The following PLXND1 variants were observed in gnomAD, a reference collection of about 807,000 sequenced individuals.
PLXND1 encodes the protein plexin-D1.
Under a neutral mutation model 197.7 loss-of-function variants are expected in PLXND1, and 54 were observed. That is an observed-to-expected ratio of 0.27 (90% CI 0.22 to 0.34). The LOEUF is 0.34. Among genes scored for constraint, PLXND1 ranks in the 10% least tolerant of loss-of-function variants. The pLI, the probability that PLXND1 is intolerant of heterozygous loss-of-function variation, is 1.00. For synonymous variants in PLXND1, 1,180 were observed against 1,161.2 expected (o/e 1.02, Z -0.33); for missense variants, 2,127 against 2,699.2 (o/e 0.79, Z 4.70).
intron 1 of PLXND1, among the ~76,000 whole-genome samples, chr3:129,600,314 G>A (rs955742352): frequency 7.2e-5 from 11 of 152,124 alleles, no homozygotes. Context: ...AGTTTTTTCT[G>A]GTGTCTTTTC....
Position 129,586,707 on chromosome 3 carries a change from C to A in PLXND1, c.1501G>T (p.Glu501Ter). 1.3e-6 allele frequency: 2 copies of A among 1,599,550 alleles called. No homozygotes were observed. The highest frequency in any genetic ancestry group is 1.7e-6 in the Non-Finnish European group (2 of 1,172,750). Residue 501 changes from glutamate (E) to a stop codon, truncating the protein, a stop_gained, in exon 3 of 36, where the codon GAG becomes TAG. Coordinates refer to ENST00000324093, the MANE Select transcript of PLXND1 (RefSeq NM_015103.3). LOFTEE classifies it high-confidence loss of function. ...NGRLLKINLN[E>*]SMQVVSRRVV... ...CGCCTGCTCACCACCTGCATGCTCTCGTTCAGGTTGATCTGTGGGGGTAGT... is the reference window on the plus strand; with the variant it reads ...CGCCTGCTCACCACCTGCATGCTCTAGTTCAGGTTGATCTGTGGGGGTAGT...
intron 1 of PLXND1, among the ~76,000 whole-genome samples, chr3:129,593,462 A>G (rs868538542): frequency 3.3e-5 from 5 of 152,184 alleles, no homozygotes; most frequent in Admixed American, 6.5e-5. Context: ...TTCCCTCTCC[A>G]GGCATGCCCA....
intron 1 of PLXND1, among the ~76,000 whole-genome samples, chr3:129,591,828 T>C (rs541473467): frequency 1.3e-5 from 2 of 152,298 alleles, no homozygotes; most frequent in Admixed American, 6.5e-5. Context: ...TGACATTTCC[T>C]ATCTGCTAAC....
At position 129,560,452 on chromosome 3, in the gene PLXND1, G is replaced by A. The variant is rs902056454; in HGVS notation, c.5029-18C>T. 1.9e-6 allele frequency: 3 copies of A among 1,564,018 alleles called. No homozygotes were observed. The highest frequency in any genetic ancestry group is 2.7e-5 in the African/African-American group (2 of 73,976). On this transcript the variant is annotated intron_variant, in intron 30 of 35. Transcript: ENST00000324093. ...GGCAGCACCTGGGAGGCCGGGCAGT[G>A]GTCAGTGTCCGCACCAGGCCCCATC...
chr3:129,562,218 A>G (rs981060227), intron 27 of PLXND1, among the ~76,000 whole-genome samples: 13 of 152,258 alleles, frequency 8.5e-5, no homozygotes, highest in African/African-American at 2.9e-4. Context: ...AGACTCCTAT[A>G]AAACCCACTC....
At chr3:129,593,542 C>T (rs2085576730) in intron 1 of PLXND1, among the ~76,000 whole-genome samples, 1 of 152,256 alleles carries the variant, frequency 6.6e-6, no homozygotes, top group Non-Finnish European at 1.5e-5. Context: ...TCACACATTT[C>T]CCATGGCAGC....
chr3:129,599,730 G>A (rs1471254744), intron 1 of PLXND1, among the ~76,000 whole-genome samples: 1 of 152,178 alleles, frequency 6.6e-6, no homozygotes, highest in Non-Finnish European at 1.5e-5. Context: ...GCCCCAGCCC[G>A]CCTGAGTCAC....
chr3:129,572,607 A>T lies in PLXND1; in HGVS notation c.3077+2T>A. On this transcript the variant is annotated splice_donor_variant, in intron 15 of 35. Transcript: ENST00000324093. LOFTEE classifies it high-confidence loss of function. ...AGGGATGGGCCAGGCCCAGAGGCTT[A>T]CATCAGCTCCGTGCAGGGGTCTGTG... 6.6e-7 allele frequency: 1 copy of T among 1,518,110 alleles called. No individual in the cohort carries two copies. Among genetic ancestry groups the T allele is most frequent in the Non-Finnish European group, 8.8e-7 (1 of 1,133,122 alleles). The allele number at this position is 1,518,110 out of a possible 1,614,324, so 94.0% of individuals were successfully genotyped here.
At chr3:129,599,921 T>C (rs1391113774) in intron 1 of PLXND1, among the ~76,000 whole-genome samples, 1 of 152,252 alleles carries the variant, frequency 6.6e-6, no homozygotes, top group Admixed American at 6.5e-5. Flanking sequence ...TTCCCCTCTC[T>C]TGGCCTCAGT....
chr3:129,598,863 CCT>C (rs552680281), intron 1 of PLXND1, among the ~76,000 whole-genome samples: 103 of 152,318 alleles, frequency 6.8e-4, no homozygotes, highest in African/African-American at 2.3e-3. Context: ...CCCTTCTGGA[CCT>C]CTGTTTCCCC....
intron 26 of PLXND1, 71 bp from the exon 27 acceptor site, chr3:129,563,014 G>C (rs2085084124): frequency 1.9e-6 from 3 of 1,608,860 alleles, no homozygotes; most frequent in Admixed American, 3.4e-5. Context: ...CAGGCAGCAA[G>C]GCCCTGCAGA....
At position 129,578,414 on chromosome 3, in the gene PLXND1, CG is replaced by C; in HGVS notation, c.2260del (p.Arg754GlyfsTer48). 6.3e-7 allele frequency: 1 copy of C among 1,597,728 alleles called. No individual in the cohort carries two copies. Among genetic ancestry groups the C allele is most frequent in the Non-Finnish European group, 8.5e-7 (1 of 1,172,664 alleles). On this transcript the variant is annotated frameshift_variant, in exon 9 of 36. Transcript: ENST00000324093. LOFTEE classifies it high-confidence loss of function. ...GGGTGCCAGGGGTGAGAGCAGGGTC[CG>C]GGGGCAGTCCTGAGGGCTCTGCAGA... ...PNPTSPQDCP[R>X]TLLSPLAPVP...
chr3:129,556,378 C>T lies in PLXND1; in HGVS notation c.5712G>A (p.Gln1904=). Residue 1904 remains glutamine, a synonymous_variant, in exon 36 of 36, where the codon CAG becomes CAA. Coordinates refer to ENST00000324093, the MANE Select transcript of PLXND1 (RefSeq NM_015103.3). ...AAGCCACCACCTGCTCAAACTTGTGCTGCAGTTGTGTCCTCCGGGCCGTGG... is the reference window on the plus strand; with the variant it reads ...AAGCCACCACCTGCTCAAACTTGTGTTGCAGTTGTGTCCTCCGGGCCGTGG... ...ANPTARRTQL[Q]HKFEQVVALM... 6.2e-7 allele frequency: 1 copy of T among 1,614,218 alleles called. No homozygotes were observed. The highest frequency in any genetic ancestry group is 8.5e-7 in the Non-Finnish European group (1 of 1,180,022).
At chr3:129,596,333 C>T (rs986883708) in intron 1 of PLXND1, among the ~76,000 whole-genome samples, 7 of 152,118 alleles carry the variant, frequency 4.6e-5, no homozygotes, top group African/African-American at 9.7e-5. Context: ...TCTGCCCTGG[C>T]GCCTGGGAAC....
intron 2 of PLXND1, among the ~76,000 whole-genome samples, 178 bp from the exon 3 acceptor site, chr3:129,586,897 G>A (rs2108792415): frequency 6.6e-6 from 1 of 152,308 alleles, no homozygotes. Context: ...TGATGCTTCT[G>A]CCTCTGCTGT....
Position 129,589,523 on chromosome 3 carries a change from T to C in PLXND1, c.1316A>G (p.Gln439Arg). Residue 439 changes from glutamine (Q) to arginine (R), a missense_variant, in exon 2 of 36, where the codon CAG becomes CGG. Gln to Arg is a conservative substitution (Grantham distance 43, BLOSUM62 1). Transcript: ENST00000324093. The stretch of plus-strand genomic sequence containing the variant: ...AGCTCCACAGTCCAGCTGCTCTGGC[T>C]GGAGCTGGAAGAGGAACGGCACGTC... ...ACERKLNIQLQPEQLDCGAAH... is the reference protein window; with the variant it reads ...ACERKLNIQLRPEQLDCGAAH... The C allele has an allele frequency of 6.3e-7, 1 of 1,581,016 alleles. No homozygotes were observed. The highest frequency in any genetic ancestry group is 2.0e-4 in the Middle Eastern group (1 of 4,980).
chr3:129,606,427 C>A lies in PLXND1; in HGVS notation c.213G>T (p.Val71=). ...NFALDGAAGT[V]YLAAVNRLYQ... is the part of the protein sequence containing the mutation. ...AGAGGCGGTTGACGGCCGCCAGGTA[C>A]ACGGTCCCCGCCGCGCCGTCCAGGG... is the stretch of plus-strand genomic sequence containing the variant. The change falls in exon 1 of 36, where the codon GTG becomes GTT. Residue 71 remains valine (V), a synonymous_variant. Coordinates refer to ENST00000324093, the MANE Select transcript of PLXND1 (RefSeq NM_015103.3). 6.8e-7 allele frequency: 1 copy of A among 1,479,850 alleles called. No individual in the cohort carries two copies. Among genetic ancestry groups the A allele is most frequent in the Non-Finnish European group, 8.9e-7 (1 of 1,120,726 alleles). 91.7% of individuals were successfully genotyped at this position (1,479,850 alleles called of 1,614,324 possible).
rs777240664 is a variant in PLXND1, at chr3:129,589,383, A to G, written c.1456T>C (p.Phe486Leu). The part of the protein sequence containing the change: ...VASVNNYTAV[F>L]LGTVNGRLLK... ...AGCCTCCCGTTGACCGTGCCCAGGA[A>G]GACCGCTGTGTAGTTGTTGACGCTG... Residue 486 changes from phenylalanine to leucine, a missense_variant, in exon 2 of 36, where the codon TTC becomes CTC. Transcript: ENST00000324093. 1 of 1,556,510 alleles carries G rather than the reference A, an allele frequency of 6.4e-7. No individual in the cohort carries two copies. Among genetic ancestry groups the G allele is most frequent in the Admixed American group, 1.7e-5 (1 of 58,150 alleles).
Position 129,606,112 on chromosome 3 carries a change from G to A in PLXND1, c.528C>T (p.Phe176=). ...TGGCCGCCACGTTCAGCATGCTGGG[G>A]AACACCGTGACGGGCTCGGCGGGCG... ...AAPPAEPVTV[F]PSMLNVAANH... is the part of the protein sequence containing the mutation. The change falls in exon 1 of 36, where the codon TTC becomes TTT. Residue 176 remains phenylalanine (F), a synonymous_variant. Transcript: ENST00000324093. 1 of 1,541,132 alleles carries A rather than the reference G, an allele frequency of 6.5e-7. No individual in the cohort carries two copies. Among genetic ancestry groups the A allele is most frequent in the Admixed American group, 2.0e-5 (1 of 51,254 alleles).
Sources: gnomAD v4.1 joint callset for allele counts (sites outside exome capture counted in the v4.1 genomes callset) on GRCh38, gnomAD v4.1.1 for gene constraint, MANE v1.5 for transcripts, NCBI Gene and HGNC (gene_info 2026-07-23, HGNC 2026-07-21) for gene names.